FBXL7: variants seen among roughly 807,000 people sequenced by gnomAD.
FBXL7 encodes the protein F-box/LRR-repeat protein 7.
In FBXL7, 12 loss-of-function variants were observed where a neutral mutation model predicts 38.3. That is an observed-to-expected ratio of 0.31 (90% confidence interval 0.20 to 0.51). FBXL7 has a LOEUF of 0.51. Among genes scored for constraint, FBXL7 ranks in the 20% least tolerant of loss-of-function variants. FBXL7 has a pLI of 0.98. For missense variants in FBXL7, 567 were observed against 676.4 expected, an observed-to-expected ratio of 0.84 and a Z score of 1.79; for synonymous variants, 297 against 300.9, an observed-to-expected ratio of 0.99 and a Z score of 0.13.
chr5:15,797,960 T>G (rs1290862278), intron 2 of FBXL7, among the ~76,000 whole-genome samples: 1 of 152,200 alleles, frequency 6.6e-6, no homozygotes, highest in African/African-American at 2.4e-5. Context: ...TTTTTCCACT[T>G]AATTTTCCAG....
intron 1 of FBXL7, among the ~76,000 whole-genome samples, chr5:15,604,092 A>G (rs1739909721): frequency 6.6e-6 from 1 of 152,146 alleles, no homozygotes; most frequent in African/African-American, 2.4e-5. Context: ...GCTGAGATCC[A>G]GAAGGTAGAG....
At chr5:15,758,878 C>T (rs1000380433) in intron 2 of FBXL7, among the ~76,000 whole-genome samples, 34 of 152,024 alleles carry the variant, frequency 2.2e-4, no homozygotes, top group Admixed American at 3.9e-4. Flanking sequence ...TATGGATTTA[C>T]ACTTTAGAGT....
intron 2 of FBXL7, among the ~76,000 whole-genome samples, chr5:15,771,646 G>A (rs1736729188): frequency 6.6e-6 from 1 of 151,974 alleles, no homozygotes; most frequent in African/African-American, 2.4e-5. Context: ...ACTCAATGTA[G>A]GTATTACTGA....
At chr5:15,791,747 ATAG>A (rs1266153069) in intron 2 of FBXL7, among the ~76,000 whole-genome samples, 1 of 152,084 alleles carries the variant, frequency 6.6e-6, no homozygotes, top group Non-Finnish European at 1.5e-5. Context: ...GAGATGCTGG[ATAG>A]TAAATACCCT....
Position 15,816,786 on chromosome 5 carries a change from G to T in FBXL7, c.128-111104G>T, listed in dbSNP as rs957989034. Among the ~76,000 whole-genome samples, 14 of 152,248 alleles carry T rather than the reference G, an allele frequency of 9.2e-5. No individual in the cohort carries two copies. In the East Asian group the frequency reaches 2.5e-3, roughly 27 times the overall value. The stretch of plus-strand genomic sequence containing the variant: ...TTTGTAACTGTAAATTTGAAAAGCT[G>T]CTTAATTTTTTATTGTGATGGCAAC... On this transcript the variant is annotated intron_variant, in intron 2 of 3. Transcript: ENST00000504595.
chr5:15,877,604 C>T (rs962455197), intron 2 of FBXL7, among the ~76,000 whole-genome samples: 12 of 151,928 alleles, frequency 7.9e-5, no homozygotes, highest in East Asian at 5.8e-4. Flanking sequence ...TATGTGGAGC[C>T]ATCTCTCTGT....
At chr5:15,934,071 C>A (rs1237590364) in intron 3 of FBXL7, among the ~76,000 whole-genome samples, 1 of 152,098 alleles carries the variant, frequency 6.6e-6, no homozygotes, top group Non-Finnish European at 1.5e-5. Flanking sequence ...GTGGTGCGCT[C>A]CAGATTTTCT....
chr5:15,577,403 G>GT lies in FBXL7; in HGVS notation c.38-38579dup. Among the ~76,000 whole-genome samples, 2 of 152,284 alleles carry GT rather than the reference G, an allele frequency of 1.3e-5. 1 individual carries two copies. The highest frequency in any genetic ancestry group is 4.1e-4 in the South Asian group (2 of 4,824). On this transcript the variant is annotated intron_variant, in intron 1 of 3. Transcript: ENST00000504595. ...GCCACTGTCTTATCAGAGAAGTCAG[G>GT]TAATTATGGAAAGTGTCTATGTGAC...
At chr5:15,660,900 A>G (rs907798278) in intron 2 of FBXL7, among the ~76,000 whole-genome samples, 7 of 152,086 alleles carry the variant, frequency 4.6e-5, no homozygotes, top group African/African-American at 1.7e-4. Flanking sequence ...TTGGAGTGTA[A>G]TCTAACTATT....
At chr5:15,742,473 C>T (rs952010661) in intron 2 of FBXL7, among the ~76,000 whole-genome samples, 2 of 152,132 alleles carry the variant, frequency 1.3e-5, no homozygotes, top group African/African-American at 4.8e-5. Flanking sequence ...CTCCCTACCC[C>T]CAGAACAGTG....
chr5:15,728,165 A>G (rs924601421), intron 2 of FBXL7, among the ~76,000 whole-genome samples: 2 of 152,108 alleles, frequency 1.3e-5, no homozygotes, highest in Non-Finnish European at 2.9e-5. Flanking sequence ...CAGCACTTTA[A>G]GATAACTGTT....
chr5:15,715,001 A>G (rs542988705), intron 2 of FBXL7, among the ~76,000 whole-genome samples: 186 of 152,290 alleles, frequency 1.2e-3, no homozygotes, highest in Non-Finnish European at 2.2e-3. Context: ...TGGAAAATGC[A>G]GCACACAGAT....
chr5:15,540,427 G>A (rs1393496689), intron 1 of FBXL7, among the ~76,000 whole-genome samples: 3 of 152,056 alleles, frequency 2.0e-5, no homozygotes, highest in Admixed American at 6.6e-5. Context: ...CTCAAGGTGC[G>A]AACTCCTACC....
rs1330908585 is a variant in FBXL7, at chr5:15,937,639, G to GC, written c.*454dup. 1 of 164,844 alleles carries GC rather than the reference G, an allele frequency of 6.1e-6. No homozygotes were observed. Among genetic ancestry groups the GC allele is most frequent in the Non-Finnish European group, 1.3e-5 (1 of 76,388 alleles). The allele number at this position is 164,844 out of a possible 1,614,324, so 10.2% of individuals were successfully genotyped here. ...GCTCTCCAGACCTCCTCTCTAAACT[G>GC]CTTCATTGACCTAAGTCACTCTCTT... On this transcript the variant is annotated 3_prime_UTR_variant, in exon 4 of 4. Transcript: ENST00000504595.
At chr5:15,645,519 A>G (rs1264007368) in intron 2 of FBXL7, among the ~76,000 whole-genome samples, 1 of 152,104 alleles carries the variant, frequency 6.6e-6, no homozygotes, top group Non-Finnish European at 1.5e-5. Flanking sequence ...TTCTTGATTG[A>G]TATTTCCTGT....
intron 2 of FBXL7, among the ~76,000 whole-genome samples, chr5:15,832,729 G>A (rs1447305274): frequency 6.6e-6 from 1 of 152,120 alleles, no homozygotes; most frequent in Non-Finnish European, 1.5e-5. Context: ...TCTGCAGGTC[G>A]GGATGATTGA....
At chr5:15,813,749 C>T (rs1737932615) in intron 2 of FBXL7, among the ~76,000 whole-genome samples, 1 of 151,968 alleles carries the variant, frequency 6.6e-6, no homozygotes, top group African/African-American at 2.4e-5. Flanking sequence ...TAAACAACCC[C>T]ATCAATAAGT....
intron 2 of FBXL7, among the ~76,000 whole-genome samples, chr5:15,646,380 G>A (rs997960584): frequency 8.5e-5 from 13 of 152,114 alleles, no homozygotes; most frequent in Admixed American, 7.2e-4. Context: ...TTGCTAGTAA[G>A]TGGTCAACTT....
rs1742244915 is a variant in FBXL7 at position 15,937,926 on chromosome 5, C to T, written c.*740C>T. ...TTATAGCATTGAGGGAGCAGAGATA[C>T]CCATACACAGAAGCACCTTGGCATA... On this transcript the variant is annotated 3_prime_UTR_variant, in exon 4 of 4. Transcript: ENST00000504595. The T allele has an allele frequency of 6.6e-6, 1 of 152,156 alleles. No individual in the cohort carries two copies. The allele number at this position is 152,156 out of a possible 1,614,324, so 9.4% of individuals were successfully genotyped here. A position where few individuals can be genotyped will look rare whatever the true frequency, so the allele number is the denominator to read the frequency against.
Sources: gnomAD v4.1 joint callset for allele counts (sites outside exome capture counted in the v4.1 genomes callset) on GRCh38, gnomAD v4.1.1 for gene constraint, MANE v1.5 for transcripts, NCBI Gene and HGNC (gene_info 2026-07-23, HGNC 2026-07-21) for gene names.